RGL1: variants seen among roughly 807,000 people sequenced by gnomAD.
The protein encoded by RGL1 is ral guanine nucleotide dissociation stimulator-like 1.
In RGL1, 24 loss-of-function variants were observed where a neutral mutation model predicts 95.2. The observed-to-expected ratio is 0.25, with a 90% CI of 0.18 to 0.35. The LOEUF is 0.35. Ranked by LOEUF, RGL1 falls within the 10% of genes least tolerant of loss-of-function variation. The pLI is 1.00. For missense variants in RGL1, 715 were observed against 936.3 expected, an observed-to-expected ratio of 0.76 and a Z score of 3.08; for synonymous variants, 329 against 344.9, an observed-to-expected ratio of 0.95 and a Z score of 0.51.
intron 13 of RGL1, among the ~76,000 whole-genome samples, chr1:183,906,478 A>AATATAT (rs369809908): frequency 6.7e-6 from 1 of 150,328 alleles, no homozygotes; most frequent in Non-Finnish European, 1.5e-5. Context: ...AAAATAAATA[A>AATATAT]ATATATATAT....
At chr1:183,803,529 A>G (rs1278417481), upstream of RGL1, among the ~76,000 whole-genome samples, 1 of 152,236 alleles carries the variant, frequency 6.6e-6, no homozygotes, top group African/African-American at 2.4e-5. Context: ...GTACAGAGAA[A>G]GGTGAGTAGC....
intron 3 of RGL1, among the ~76,000 whole-genome samples, chr1:183,854,433 T>C (rs551026334): frequency 1.3e-5 from 2 of 152,202 alleles, no homozygotes; most frequent in Non-Finnish European, 2.9e-5. Context: ...AATCCATTCT[T>C]TATGTCGCCT....
intron 14 of RGL1, among the ~76,000 whole-genome samples, chr1:183,911,288 G>C (rs946279383): frequency 6.6e-6 from 1 of 152,200 alleles, no homozygotes. Flanking sequence ...GCTCAGGCAA[G>C]AACAGTCTCC....
intron 15 of RGL1, among the ~76,000 whole-genome samples, chr1:183,912,885 C>G (rs992869162): frequency 5.9e-5 from 9 of 152,208 alleles, no homozygotes; most frequent in African/African-American, 2.2e-4. Context: ...TGAGTCGTAT[C>G]AACCAACATT....
rs77219943 is a variant in RGL1, at chr1:183,750,646, T to C, written c.132+8357T>C. ...TTTTGGAGGAGAAGAGGCATTCTGG[T>C]TTTTGGAATTTCAGCATTTTTGGGC... is the stretch of plus-strand genomic sequence containing the variant. On this transcript the variant is annotated intron_variant, in intron 2 of 18. Coordinates refer to the RGL1 transcript ENST00000304685. 1.1e-4 allele frequency among the ~76,000 whole-genome samples: 17 copies of C among 152,346 alleles called. No individual in the cohort carries two copies. In the East Asian group the frequency reaches 2.3e-3, roughly 21 times the overall value.
intron 2 of RGL1, among the ~76,000 whole-genome samples, chr1:183,748,455 G>A (rs1657788338): frequency 7.6e-6 from 1 of 131,946 alleles, no homozygotes; most frequent in African/African-American, 2.9e-5. Flanking sequence ...GCCCCAGCTG[G>A]AGTGCAGTGG....
At chr1:183,801,782 A>G (rs1474721821), upstream of RGL1, among the ~76,000 whole-genome samples, 3 of 152,222 alleles carry the variant, frequency 2.0e-5, no homozygotes, top group Admixed American at 6.5e-5. Flanking sequence ...AAGGTGAGGC[A>G]GCGCATGCAG....
At chr1:183,683,617 C>G (rs1653371651) in intron 1 of RGL1, among the ~76,000 whole-genome samples, 1 of 152,108 alleles carries the variant, frequency 6.6e-6, no homozygotes, top group Admixed American at 6.6e-5. Context: ...TTGTTTCAAC[C>G]TTGGTGAATG....
intron 2 of RGL1, among the ~76,000 whole-genome samples, chr1:183,765,446 G>A (rs548785683): frequency 6.6e-6 from 1 of 152,116 alleles, no homozygotes; most frequent in African/African-American, 2.4e-5. Context: ...GCTATAAACA[G>A]CTCAAAAGAA....
At chr1:183,685,152 A>T (rs1486384211) in intron 1 of RGL1, among the ~76,000 whole-genome samples, 1 of 149,868 alleles carries the variant, frequency 6.7e-6, no homozygotes, top group Non-Finnish European at 1.5e-5. Context: ...AACATTCTAC[A>T]TTGGCTTTTT....
At chr1:183,686,219 A>G (rs1270523678) in intron 1 of RGL1, among the ~76,000 whole-genome samples, 1 of 152,230 alleles carries the variant, frequency 6.6e-6, no homozygotes, top group Non-Finnish European at 1.5e-5. Context: ...TATAAAAGTA[A>G]TATATGTTCA....
At chr1:183,742,530 A>G (rs1281712357) in intron 2 of RGL1, among the ~76,000 whole-genome samples, 1 of 152,162 alleles carries the variant, frequency 6.6e-6, no homozygotes, top group Non-Finnish European at 1.5e-5. Flanking sequence ...ATGATGATCT[A>G]AGGCTCATAT....
At chr1:183,778,851 T>C (rs1205076648) in intron 2 of RGL1, among the ~76,000 whole-genome samples, 1 of 152,196 alleles carries the variant, frequency 6.6e-6, no homozygotes, top group African/African-American at 2.4e-5. Context: ...TGTCTGCATC[T>C]TTCCTGAGGC....
In RGL1 at chr1:183,865,998, A is replaced by G. The variant is rs1436201435; in HGVS notation, c.350A>G (p.Tyr117Cys). The G allele has an allele frequency of 6.2e-7, 1 of 1,612,282 alleles. No individual in the cohort carries two copies. The highest frequency in any genetic ancestry group is 1.7e-5 in the Admixed American group (1 of 60,004). ...CTTGTTCATTATTATCTCTACAGGT[A>G]TGGAAACCTGACAAGCCCAAACTGT... ...KEVLELLLDR[Y>C]GNLTSPNCEE... Residue 117 changes from tyrosine to cysteine, a missense_variant and splice_region_variant, in exon 4 of 18, where the codon TAT (tyrosine) becomes TGT (cysteine). Coordinates refer to ENST00000360851, the MANE Select transcript of RGL1 (RefSeq NM_001297671.3).
At chr1:183,708,969 G>A (rs1655094873) in intron 1 of RGL1, among the ~76,000 whole-genome samples, 1 of 152,178 alleles carries the variant, frequency 6.6e-6, no homozygotes, top group African/African-American at 2.4e-5. Flanking sequence ...AAGGCGGTGT[G>A]GAGCAACGCG....
rs191255444 is a variant in RGL1 at position 183,689,832 on chromosome 1, C to T, written c.-32-52294C>T. Among the ~76,000 whole-genome samples the T allele has an allele frequency of 3.4e-3, 515 of 152,222 alleles. 3 individuals are homozygous for T. Among genetic ancestry groups the T allele is most frequent in the Non-Finnish European group, 4.3e-3 (294 of 68,004 alleles). On this transcript the variant is annotated intron_variant, in intron 1 of 18. Transcript: ENST00000304685. The stretch of plus-strand genomic sequence containing the variant: ...GATGGGTTGATTATGCAATAAAAAA[C>T]ATTCATTCAGCTTCTGGCACTGTGC...
chr1:183,724,363 G>T lies in RGL1; in HGVS notation c.-32-17763G>T, dbSNP rs1440633436. Among the ~76,000 whole-genome samples, 1 of 152,154 alleles carries T rather than the reference G, an allele frequency of 6.6e-6. No homozygotes were observed. The highest frequency in any genetic ancestry group is 6.5e-5 in the Admixed American group (1 of 15,282). On this transcript the variant is annotated intron_variant, in intron 1 of 18. Coordinates refer to the RGL1 transcript ENST00000304685. This position sits in a 1 kb window ranked among gnomAD's most constrained non-coding sequence, Gnocchi z 4.1. Reference sequence around the variant, plus strand: ...AGGGTAGAGCACTAAGTGGGCTCTTGGGGTCCCCAGTTCCAAGCCCTGGCT... The same window carrying T: ...AGGGTAGAGCACTAAGTGGGCTCTTTGGGTCCCCAGTTCCAAGCCCTGGCT...
intron 14 of RGL1, among the ~76,000 whole-genome samples, chr1:183,909,423 C>G (rs1479740962): frequency 6.6e-6 from 1 of 152,114 alleles, no homozygotes; most frequent in Non-Finnish European, 1.5e-5. Flanking sequence ...TGGAAGAACC[C>G]TAGAGACTCT....
intron 2 of RGL1, among the ~76,000 whole-genome samples, chr1:183,766,100 A>G (rs911207200): frequency 2.0e-5 from 3 of 151,990 alleles, no homozygotes; most frequent in Non-Finnish European, 4.4e-5. Context: ...AATTAAAAAA[A>G]AAAAAGAAAG....
Sources: allele counts gnomAD v4.1 joint callset (sites outside exome capture counted in the v4.1 genomes callset), GRCh38; gene constraint gnomAD v4.1.1; non-coding constraint Gnocchi (gnomAD v3.1); transcripts MANE v1.5; gene names NCBI Gene and HGNC (gene_info 2026-07-23, HGNC 2026-07-21).